The following CHST12 variants were observed in gnomAD, a reference collection of about 807,000 sequenced individuals.
CHST12 encodes the protein carbohydrate (chondroitin 4) sulfotransferase 12.
Under a neutral mutation model 27.9 loss-of-function variants are expected in CHST12, and 23 were observed. That is an observed-to-expected ratio of 0.82 (90% CI 0.59 to 1.17). The LOEUF (loss-of-function observed/expected upper bound fraction) is 1.17, where lower values mean the gene tolerates loss of function less well. Ranked by LOEUF, CHST12 falls within the 50% of genes most tolerant of loss-of-function variation. The probability of loss-of-function intolerance (pLI) is 0.00; values close to 1 mark genes in which losing one functional copy is unlikely to be tolerated. For synonymous variants in CHST12, 322 were observed against 273.0 expected (o/e 1.18, Z -1.77); for missense variants, 682 against 603.0 (o/e 1.13, Z -1.37).
chr7:2,428,673 T>C (rs1214593501), intron 1 of CHST12, among the ~76,000 whole-genome samples: 1 of 152,198 alleles, frequency 6.6e-6, no homozygotes, highest in African/African-American at 2.4e-5. Context: ...AACATCTGTA[T>C]GCAGAAGTAC....
At chr7:2,419,968 CT>C (rs869252983) in intron 1 of CHST12, among the ~76,000 whole-genome samples, 1,300 of 81,368 alleles carry the variant, frequency 0.016, 11 homozygotes, top group African/African-American at 0.059. Context: ...AAATATTTGT[CT>C]TTTTTTTTTT....
At chr7:2,419,072 A>C (rs1267864258) in intron 1 of CHST12, among the ~76,000 whole-genome samples, 1 of 152,222 alleles carries the variant, frequency 6.6e-6, no homozygotes, top group Non-Finnish European at 1.5e-5. Context: ...TGCTGGGATC[A>C]CAGGCATGAA....
rs145715660 is a variant in CHST12, at chr7:2,438,086, G to A, written c.*4202G>A. ...GCAAAGTGGGTGGCGTGTGCATTTT[G>A]TGAACACGTGGTCTGCTTCCTGGTG... On this transcript the variant is annotated 3_prime_UTR_variant, in exon 2 of 2. Coordinates refer to ENST00000618655, the MANE Select transcript of CHST12 (RefSeq NM_018641.5). 131 of 152,448 alleles carry A rather than the reference G, an allele frequency of 8.6e-4. No homozygotes were observed. Among genetic ancestry groups the A allele is most frequent in the African/African-American group, 2.6e-3 (110 of 41,576 alleles). 9.4% of individuals were successfully genotyped at this position (152,448 alleles called of 1,614,324 possible). A position where few individuals can be genotyped will look rare whatever the true frequency, so the allele number is the denominator to read the frequency against.
chr7:2,411,508 T>TTTTTTTTTG (rs1781665018), intron 1 of CHST12, among the ~76,000 whole-genome samples: 1 of 147,876 alleles, frequency 6.8e-6, no homozygotes. Flanking sequence ...TTTTTTTTTT[T>TTTTTTTTTG]GAGACGGAGT....
At chr7:2,420,183 C>T (rs1781932472) in intron 1 of CHST12, among the ~76,000 whole-genome samples, 1 of 151,374 alleles carries the variant, frequency 6.6e-6, no homozygotes, top group Non-Finnish European at 1.5e-5. Context: ...CCGTGTTAGC[C>T]AGGATGGTCT....
rs147877685 is a variant in CHST12, at chr7:2,414,661, C to T, written c.-78+10988C>T. The stretch of plus-strand genomic sequence containing the variant: ...AAAGTCCAATTTACCACATTTTTCT[C>T]TCATATTTGTGCTTTTGGTATCCCA... On this transcript the variant is annotated intron_variant, in intron 1 of 1. Transcript: ENST00000618655. Among the ~76,000 whole-genome samples the T allele has an allele frequency of 1.7e-4, 26 of 152,290 alleles. No individual in the cohort carries two copies. In the East Asian group the frequency reaches 3.5e-3, roughly 20 times the overall value.
rs144592132 is a variant in CHST12, at chr7:2,414,526, C to G, written c.-78+10853C>G. Among the ~76,000 whole-genome samples the G allele has an allele frequency of 1.0e-3, 153 of 152,270 alleles. 2 individuals carry two copies. The East Asian group carries it at 0.027, about 27-fold the overall frequency. ...TCTTGAACTCCTTACCTCAGGTGAT[C>G]CACCCTTCTCGGCCTCCCAAAGTGC... is the stretch of plus-strand genomic sequence containing the variant. On this transcript the variant is annotated intron_variant, in intron 1 of 1. Coordinates refer to ENST00000618655, the MANE Select transcript of CHST12 (RefSeq NM_018641.5).
intron 1 of CHST12, among the ~76,000 whole-genome samples, chr7:2,415,882 G>A (rs1455072410): frequency 6.6e-6 from 1 of 152,164 alleles, no homozygotes; most frequent in Non-Finnish European, 1.5e-5. Context: ...CCAAAGTGCT[G>A]GGATTACAAG....
Position 2,435,384 on chromosome 7 carries a change from T to A in CHST12, c.*1500T>A, listed in dbSNP as rs901963010. The A allele has an allele frequency of 6.6e-6, 1 of 152,246 alleles. No homozygotes were observed. Among genetic ancestry groups the A allele is most frequent in the African/African-American group, 2.4e-5 (1 of 41,432 alleles). The allele number at this position is 152,246 out of a possible 1,614,324, so 9.4% of individuals were successfully genotyped here. A position where few individuals can be genotyped will look rare whatever the true frequency, so the allele number is the denominator to read the frequency against. On this transcript the variant is annotated 3_prime_UTR_variant, in exon 2 of 2. Transcript: ENST00000618655. ...AAGAGGCTCCGTGTGACTGTCTCTGTGGCTTTCTGGTTGGTTTAGCTCCAG... is the reference window on the plus strand; with the variant it reads ...AAGAGGCTCCGTGTGACTGTCTCTGAGGCTTTCTGGTTGGTTTAGCTCCAG...
rs376049227 is a variant in CHST12, at chr7:2,444,011, G to A, written c.*10127G>A. 3 of 152,058 alleles carry A rather than the reference G, an allele frequency of 2.0e-5. No homozygotes were observed. Among genetic ancestry groups the A allele is most frequent in the Admixed American group, 6.6e-5 (1 of 15,246 alleles). 9.4% of individuals were successfully genotyped at this position (152,058 alleles called of 1,614,324 possible). On this transcript the variant is annotated 3_prime_UTR_variant, in exon 2 of 2. Transcript: ENST00000618655. ...TAAAAATACAAAAATTAGGCCGGGC[G>A]CGGTGGCTCACGCCTGTAATCCCAG...
Position 2,436,676 on chromosome 7 carries a change from T to G in CHST12, c.*2792T>G, listed in dbSNP as rs1782482417. On this transcript the variant is annotated 3_prime_UTR_variant, in exon 2 of 2. Coordinates refer to ENST00000618655, the MANE Select transcript of CHST12 (RefSeq NM_018641.5). ...AGCACCTCCCCGGGATGCGTTTGTT[T>G]ATAGGATGTTCAGACGAATGTCAGA... 1 of 152,230 alleles carries G rather than the reference T, an allele frequency of 6.6e-6. No individual in the cohort carries two copies. Among genetic ancestry groups the G allele is most frequent in the African/African-American group, 2.4e-5 (1 of 41,448 alleles). 9.4% of individuals were successfully genotyped at this position (152,230 alleles called of 1,614,324 possible).
chr7:2,409,331 C>T (rs1002274767), intron 1 of CHST12, among the ~76,000 whole-genome samples: 4 of 152,038 alleles, frequency 2.6e-5, no homozygotes, highest in African/African-American at 7.2e-5. Flanking sequence ...AATTATGGAG[C>T]GGGTAGGGCG....
At position 2,432,893 on chromosome 7, in the gene CHST12, G is replaced by A; in HGVS notation, c.254G>A (p.Arg85Lys). The A allele has an allele frequency of 1.2e-6, 2 of 1,613,462 alleles. No individual in the cohort carries two copies. Among genetic ancestry groups the A allele is most frequent in the Non-Finnish European group, 1.7e-6 (2 of 1,179,878 alleles). Residue 85 changes from arginine to lysine, a missense_variant, in exon 2 of 2, where the codon AGA becomes AAA. Coordinates refer to ENST00000618655, the MANE Select transcript of CHST12 (RefSeq NM_018641.5). ...SAGVKQSDLP[R>K]KETEQPPAPG... ...GGCGTGAAGCAGAGCGACCTTCCCAGAAAGGAGACGGAGCAGCCGCCTGCG... is the reference window on the plus strand; with the variant it reads ...GGCGTGAAGCAGAGCGACCTTCCCAAAAAGGAGACGGAGCAGCCGCCTGCG...
At chr7:2,427,349 A>G (rs1239491089) in intron 1 of CHST12, among the ~76,000 whole-genome samples, 1 of 152,110 alleles carries the variant, frequency 6.6e-6, no homozygotes, top group East Asian at 1.9e-4. Context: ...AAATTTTTAA[A>G]AATTAGCCCG....
chr7:2,432,630 C>G lies in CHST12; in HGVS notation c.-10C>G. 1.9e-6 allele frequency: 3 copies of G among 1,600,652 alleles called. No individual in the cohort carries two copies. Among genetic ancestry groups the G allele is most frequent in the Non-Finnish European group, 2.6e-6 (3 of 1,170,370 alleles). ...GAGGCCCGGAGAGGGCCCAGCCCGCCCGGGGCAGGATGACCAAGGCCCGGC... is the reference window on the plus strand; with the variant it reads ...GAGGCCCGGAGAGGGCCCAGCCCGCGCGGGGCAGGATGACCAAGGCCCGGC... On this transcript the variant is annotated 5_prime_UTR_variant, in exon 2 of 2. Coordinates refer to ENST00000618655, the MANE Select transcript of CHST12 (RefSeq NM_018641.5).
At chr7:2,417,842 T>C (rs1781850225) in intron 1 of CHST12, among the ~76,000 whole-genome samples, 1 of 152,224 alleles carries the variant, frequency 6.6e-6, no homozygotes, top group Non-Finnish European at 1.5e-5. Flanking sequence ...CTTAACCAAA[T>C]ATCTGGGTAC....
At position 2,413,796 on chromosome 7, in the gene CHST12, T is replaced by G. The variant is rs577463621; in HGVS notation, c.-78+10123T>G. On this transcript the variant is annotated intron_variant, in intron 1 of 1. Transcript: ENST00000618655. ...CAGGCTGGAGTGCAGTGGCGTGATCTTGGCTCACTGCAACCTCTGCCTCCT... is the reference window on the plus strand; with the variant it reads ...CAGGCTGGAGTGCAGTGGCGTGATCGTGGCTCACTGCAACCTCTGCCTCCT... 2.7e-5 allele frequency among the ~76,000 whole-genome samples: 4 copies of G among 150,396 alleles called. No homozygotes were observed. In the South Asian group the frequency reaches 8.6e-4, roughly 32 times the overall value.
intron 1 of CHST12, among the ~76,000 whole-genome samples, chr7:2,406,032 C>T (rs1239744839): frequency 1.3e-5 from 2 of 152,074 alleles, no homozygotes; most frequent in Non-Finnish European, 2.9e-5. Context: ...TAGTGTGGGT[C>T]AGGGGCTGAA....
intron 1 of CHST12, among the ~76,000 whole-genome samples, chr7:2,430,021 G>C (rs2115435037): frequency 6.6e-6 from 1 of 152,242 alleles, no homozygotes; most frequent in South Asian, 2.1e-4. Context: ...GGGCTCAAGA[G>C]ACCCTCTCGC....
Sources: allele counts gnomAD v4.1 joint callset (sites outside exome capture counted in the v4.1 genomes callset), GRCh38; gene constraint gnomAD v4.1.1; transcripts MANE v1.5; gene names NCBI Gene and HGNC (gene_info 2026-07-23, HGNC 2026-07-21).